The following ACTR3C variants were observed in gnomAD, a reference collection of about 807,000 sequenced individuals.
ACTR3C encodes actin-related protein 3C.
Under a neutral mutation model 26.3 loss-of-function variants are expected in ACTR3C, and 18 were observed. The ratio of observed to expected loss-of-function variants is 0.68; its 90% CI spans 0.47 to 1.01. The LOEUF (loss-of-function observed/expected upper bound fraction) is 1.01, where lower values mean the gene tolerates loss of function less well. Among genes scored for constraint, ACTR3C ranks in the 50% least tolerant of loss-of-function variants. The pLI, the probability that ACTR3C is intolerant of heterozygous loss-of-function variation, is 0.00. For missense variants in ACTR3C, 184 were observed against 250.7 expected, an observed-to-expected ratio of 0.73 and a Z score of 1.80; for synonymous variants, 55 against 94.5, an observed-to-expected ratio of 0.58 and a Z score of 2.42.
intron 6 of ACTR3C, among the ~76,000 whole-genome samples, chr7:150,257,284 T>G (rs1833287015): frequency 6.6e-6 from 1 of 152,194 alleles, no homozygotes; most frequent in African/African-American, 2.4e-5. Context: ...AGGAGGCTCA[T>G]ATCTCCTACA....
the ACTR3C span, among the ~76,000 whole-genome samples, chr7:150,063,561 A>G: frequency 6.6e-6 from 1 of 151,566 alleles, no homozygotes; most frequent in Admixed American, 6.6e-5. Context: ...CTGATTTTAT[A>G]ATTAACATGA....
At chr7:149,927,806 G>A in the ACTR3C span, among the ~76,000 whole-genome samples, 42,934 of 152,018 alleles carry the variant, frequency 0.28, 7,031 homozygotes, top group South Asian at 0.39. Flanking sequence ...AATAAAGAAC[G>A]ATGTACAATC....
chr7:150,302,403 G>T (rs1038094346), intron 1 of ACTR3C, among the ~76,000 whole-genome samples: 1 of 151,754 alleles, frequency 6.6e-6, no homozygotes, highest in African/African-American at 2.4e-5. Context: ...AAAAAGACTC[G>T]AAATACAGGA....
chr7:150,210,673 A>T, the ACTR3C span, among the ~76,000 whole-genome samples: 224 of 148,092 alleles, frequency 1.5e-3, 1 homozygote, highest in African/African-American at 5.6e-3. Context: ...TAGAAAATGG[A>T]AAGTAATATA....
chr7:150,019,373 C>T, the ACTR3C span, among the ~76,000 whole-genome samples: 1 of 149,776 alleles, frequency 6.7e-6, no homozygotes, highest in South Asian at 2.1e-4. Context: ...GAGGGCAGAT[C>T]ATGAGGTCAA....
At chr7:150,035,940 G>T in the ACTR3C span, among the ~76,000 whole-genome samples, 2 of 139,744 alleles carry the variant, frequency 1.4e-5, no homozygotes, top group Admixed American at 6.9e-5. Context: ...CCTGCGATGG[G>T]GGTCCTCAGA....
chr7:150,225,447 G>A, the ACTR3C span, among the ~76,000 whole-genome samples: 9 of 152,300 alleles, frequency 5.9e-5, 1 homozygote, highest in South Asian at 1.9e-3. Flanking sequence ...CACTCCAACA[G>A]TGGTAAATCT....
chr7:150,102,123 G>A, the ACTR3C span, among the ~76,000 whole-genome samples: 9 of 151,724 alleles, frequency 5.9e-5, no homozygotes, highest in South Asian at 1.9e-3. Flanking sequence ...TGACCACGAT[G>A]TTGCTGTCAT....
At chr7:150,226,459 G>GA in the ACTR3C span, among the ~76,000 whole-genome samples, 7 of 152,024 alleles carry the variant, frequency 4.6e-5, no homozygotes, top group Non-Finnish European at 8.8e-5. Flanking sequence ...GTTTTGAGAT[G>GA]GAGTTTTGCT....
At chr7:150,007,510 G>T in the ACTR3C span, among the ~76,000 whole-genome samples, 1 of 152,218 alleles carries the variant, frequency 6.6e-6, no homozygotes, top group African/African-American at 2.4e-5. Flanking sequence ...TACTGATAAT[G>T]ATTAAAGTCT....
the ACTR3C span, among the ~76,000 whole-genome samples, chr7:149,918,155 C>G: frequency 5.9e-5 from 9 of 151,876 alleles, no homozygotes; most frequent in Non-Finnish European, 1.5e-5. Context: ...TTTTCTATTT[C>G]TCCTTCTGAG....
the ACTR3C span, among the ~76,000 whole-genome samples, chr7:149,965,583 C>A: frequency 6.6e-6 from 1 of 151,844 alleles, no homozygotes; most frequent in Non-Finnish European, 1.5e-5. Context: ...AGGGAAAAGG[C>A]CTTTGAGATC....
At chr7:150,177,943 A>C in the ACTR3C span, among the ~76,000 whole-genome samples, 2 of 150,810 alleles carry the variant, frequency 1.3e-5, no homozygotes, top group Non-Finnish European at 2.9e-5. Context: ...ATTATCCGTA[A>C]ATTTTATTTA....
the ACTR3C span, among the ~76,000 whole-genome samples, chr7:149,996,582 A>AAAATAAATAGAT: frequency 6.7e-6 from 1 of 148,908 alleles, no homozygotes; most frequent in African/African-American, 2.5e-5. Context: ...TTCTGGTAAA[A>AAAATAAATAGAT]AAATAAATAA....
chr7:150,019,276 GAATT>G, the ACTR3C span, among the ~76,000 whole-genome samples: 1 of 150,276 alleles, frequency 6.7e-6, no homozygotes, highest in East Asian at 1.9e-4. Context: ...TTTTGTGAAA[GAATT>G]AATAACAGAA....
chr7:149,930,916 A>T, the ACTR3C span, among the ~76,000 whole-genome samples: 1 of 152,114 alleles, frequency 6.6e-6, no homozygotes, highest in Non-Finnish European at 1.5e-5. Flanking sequence ...CTCAGGCTAG[A>T]GTGTAGTGAT....
At chr7:150,216,023 G>T in the ACTR3C span, among the ~76,000 whole-genome samples, 1 of 151,662 alleles carries the variant, frequency 6.6e-6, no homozygotes, top group Non-Finnish European at 1.5e-5. Context: ...AAGATGCTTA[G>T]TGAACTCCTA....
chr7:150,076,725 C>T, the ACTR3C span: 1 of 152,152 alleles, frequency 6.6e-6, no homozygotes, highest in African/African-American at 2.4e-5. Context: ...AGCTGTTGGG[C>T]ACCCCTAAAT....
the ACTR3C span, among the ~76,000 whole-genome samples, chr7:150,128,709 T>C: frequency 0.15 from 21,742 of 140,490 alleles, 1,693 homozygotes; most frequent in Admixed American, 0.18. Context: ...AGTAAACCTA[T>C]AGATTTCTGC....
Sources: gnomAD v4.1 joint callset for allele counts (sites outside exome capture counted in the v4.1 genomes callset) on GRCh38, gnomAD v4.1.1 for gene constraint, MANE v1.5 for transcripts, NCBI Gene and HGNC (gene_info 2026-07-23, HGNC 2026-07-21) for gene names.